ATG2A: variants seen among roughly 807,000 people sequenced by gnomAD.
ATG2A encodes autophagy related 2A.
In ATG2A, 103 loss-of-function variants were observed where a neutral mutation model predicts 214.2. The observed-to-expected ratio is 0.48, with a 90% CI of 0.41 to 0.57. ATG2A has a LOEUF of 0.57. Among genes scored for constraint, ATG2A ranks in the 20% least tolerant of loss-of-function variants. The pLI is 0.00. For synonymous variants in ATG2A, 1,160 were observed against 1,142.1 expected (o/e 1.02, Z -0.32); for missense variants, 2,312 against 2,613.2 (o/e 0.88, Z 2.51).
chr11:64,907,043 C>T (rs904004130), intron 19 of ATG2A, among the ~76,000 whole-genome samples: 6 of 152,228 alleles, frequency 3.9e-5, no homozygotes, highest in African/African-American at 1.2e-4. Flanking sequence ...ATGCCCATCC[C>T]GACCCCTAGC....
chr11:64,910,876 C>T lies in ATG2A; in HGVS notation c.1545G>A (p.Val515=), dbSNP rs756847760. 5.0e-6 allele frequency: 8 copies of T among 1,609,936 alleles called. No homozygotes were observed. The highest frequency in any genetic ancestry group is 6.8e-6 in the Non-Finnish European group (8 of 1,178,710). The change falls in exon 11 of 41, where the codon GTG becomes GTA. Residue 515 remains valine, a synonymous_variant. Coordinates refer to ENST00000377264, the MANE Select transcript of ATG2A (RefSeq NM_015104.3). The stretch of plus-strand genomic sequence containing the variant: ...CCAGCACCTCCAGCTGCCCGAAGTG[C>T]ACTTCCATGCTGGTTGTCCGCCGGC... ...SRGRRTTSME[V]HFGQLEVLEC...
At chr11:64,914,627 A>G (rs2136647913) in intron 1 of ATG2A, 127 bp from the exon 2 acceptor site, 2 of 1,223,136 alleles carry the variant, frequency 1.6e-6, no homozygotes, top group Non-Finnish European at 2.3e-6. Flanking sequence ...CGTGTTATCT[A>G]CAAGGTCCCA....
rs778192855 is a variant in ATG2A at position 64,913,901 on chromosome 11, G to A, written c.510C>T (p.Thr170=). Residue 170 remains threonine (T), a synonymous_variant, in exon 4 of 41, where the codon ACC becomes ACT. Coordinates refer to ENST00000377264, the MANE Select transcript of ATG2A (RefSeq NM_015104.3). This position sits in a 1 kb window ranked among gnomAD's most constrained non-coding sequence, Gnocchi z 4.3. ...CCACCCTCACGACAGTGTCCAGGAA[G>A]GTCACTTTGATCCTCCGAAGCACTG... The part of the protein sequence containing the change: ...IETVLRRIKV[T]FLDTVVRVEH... 3.1e-6 allele frequency: 5 copies of A among 1,614,076 alleles called. No individual in the cohort carries two copies. In the East Asian group the frequency reaches 6.7e-5, roughly 22 times the overall value.
rs765409254 is a variant in ATG2A, at chr11:64,907,651, GGTCGTT to G, written c.2515_2520del (p.Asn839_Asp840del). Reference sequence around the variant, plus strand: ...AGATCTGCAGGCTCCCACATGAGCAGGTCGTTGTTGATCCTGAGATAGGCGGGTGGA... The same window carrying G: ...AGATCTGCAGGCTCCCACATGAGCAGGTTGATCCTGAGATAGGCGGGTGGA... On this transcript the variant is annotated inframe_deletion, in exon 18 of 41. Coordinates refer to ENST00000377264, the MANE Select transcript of ATG2A (RefSeq NM_015104.3). 1 of 1,599,774 alleles carries G rather than the reference GGTCGTT, an allele frequency of 6.3e-7. No homozygotes were observed. Among genetic ancestry groups the G allele is most frequent in the South Asian group, 1.1e-5 (1 of 89,418 alleles).
chr11:64,911,781 G>A, intron 9 of ATG2A, 61 bp downstream of exon 9: 1 of 1,600,550 alleles, frequency 6.2e-7, no homozygotes, highest in Non-Finnish European at 8.5e-7. Flanking sequence ...ACAGCCCACG[G>A]CACTAAGGCC....
chr11:64,898,822 C>T lies in ATG2A; in HGVS notation c.4485G>A (p.Val1495=), dbSNP rs747123039. 7 of 1,611,294 alleles carry T rather than the reference C, an allele frequency of 4.3e-6. No individual in the cohort carries two copies. In the African/African-American group the frequency reaches 9.3e-5, roughly 22 times the overall value. The change falls in exon 32 of 41, where the codon GTG becomes GTA. Residue 1495 remains valine (V), a synonymous_variant. Transcript: ENST00000377264. This position sits in a 1 kb window ranked among gnomAD's most constrained non-coding sequence, Gnocchi z 4.5. ...QLSKVSFQHE[V]YPAEPATGPA... is the part of the protein sequence containing the mutation. ...GGCCTGTGGCTGGCTCCGCTGGGTA[C>T]ACCTCGTGCTGGAAGCTTACCTGTG... is the stretch of plus-strand genomic sequence containing the variant.
intron 29 of ATG2A, among the ~76,000 whole-genome samples, 190 bp downstream of exon 29, chr11:64,901,772 C>T (rs1418120112): frequency 2.6e-5 from 4 of 152,140 alleles, no homozygotes; most frequent in South Asian, 2.1e-4. Context: ...CCATCAAAGC[C>T]CAGCATCAGG....
chr11:64,911,262 G>C lies in ATG2A; in HGVS notation c.1242C>G (p.Pro414=), dbSNP rs138182759. ...GGCGCATGGTGTCCAGGAGGGGGTT[G>C]GGGGCCATCTTGCCTGAGGGGACAG... is the stretch of plus-strand genomic sequence containing the variant. The part of the protein sequence containing the change: ...AQAHPAGKMA[P]NPLLDTMRPD... The change falls in exon 10 of 41, where the codon CCC becomes CCG. Residue 414 remains proline, a synonymous_variant. Transcript: ENST00000377264. The C allele has an allele frequency of 1.9e-6, 3 of 1,613,588 alleles. No individual in the cohort carries two copies. The African/African-American group carries it at 4.0e-5, about 22-fold the overall frequency.
In ATG2A at chr11:64,910,032, C is replaced by T. The variant is rs1368288863; in HGVS notation, c.1863+8G>A. On this transcript the variant is annotated splice_region_variant and intron_variant, in intron 13 of 40. Transcript: ENST00000377264. ...ACCCCCGGCCTGGCCCTGGCAGGGG[C>T]CTCTCACCAGCAGGCCGGCTGGAGG... The T allele has an allele frequency of 2.6e-6, 4 of 1,567,562 alleles. No homozygotes were observed. Among genetic ancestry groups the T allele is most frequent in the Non-Finnish European group, 3.5e-6 (4 of 1,157,826 alleles).
intron 14 of ATG2A, 151 bp from the exon 15 acceptor site, chr11:64,909,518 C>T (rs143602329): frequency 5.8e-4 from 828 of 1,416,010 alleles, no homozygotes; most frequent in Non-Finnish European, 7.3e-4. Context: ...CCCTACTTGT[C>T]GGTGAGGAGG....
chr11:64,897,072 G>A (rs1298595945), intron 37 of ATG2A: 1 of 784,036 alleles, frequency 1.3e-6, no homozygotes, highest in Non-Finnish European at 2.0e-6. Flanking sequence ...CCAGGCTGGA[G>A]TGAAGTGGTG....
intron 16 of ATG2A, 34 bp downstream of exon 16, chr11:64,908,956 AG>A: frequency 1.3e-6 from 2 of 1,542,008 alleles, no homozygotes; most frequent in Non-Finnish European, 1.7e-6. Flanking sequence ...GGTGGGCGGG[AG>A]GGGGTCCTGG....
chr11:64,912,254 A>C lies in ATG2A; in HGVS notation c.923-5T>G. The C allele has an allele frequency of 6.2e-7, 1 of 1,611,990 alleles. No individual in the cohort carries two copies. ...TGTCAGCCAGGCCCTCGTGGTCTGC[A>C]GGGGAGGAGACTTCAGTCTGGGCTG... is the stretch of plus-strand genomic sequence containing the variant. On this transcript the variant is annotated splice_polypyrimidine_tract_variant and splice_region_variant and intron_variant, in intron 7 of 40. Transcript: ENST00000377264.
At chr11:64,912,011 C>G in intron 8 of ATG2A, 29 bp from the exon 9 acceptor site, 1 of 1,613,516 alleles carries the variant, frequency 6.2e-7, no homozygotes, top group Non-Finnish European at 8.5e-7. Flanking sequence ...GTGTCAGGGA[C>G]AGCCGACCCC....
chr11:64,907,921 A>G, intron 16 of ATG2A, 31 bp from the exon 17 acceptor site: 1 of 1,600,462 alleles, frequency 6.2e-7, no homozygotes, highest in Non-Finnish European at 8.5e-7. Context: ...AGAGCAGGAG[A>G]GTCATCTTAG....
intron 9 of ATG2A, 146 bp downstream of exon 9, chr11:64,911,696 T>C: frequency 1.7e-6 from 2 of 1,183,148 alleles, no homozygotes; most frequent in South Asian, 3.1e-5. Flanking sequence ...AGCTCCCACC[T>C]TGTTTGGTCC....
rs746563475 is a variant in ATG2A, at chr11:64,896,793, C to T, written c.5227G>A (p.Gly1743Ser). The part of the protein sequence containing the change: ...LQDIRKNQLP[G>S]LLGGVGPMHS... ...ATGGGGCCCACGCCTCCCAGCAGGC[C>T]GGGCAGCTGGTTCTTGCGGATGTCC... Residue 1743 changes from glycine to serine, a missense_variant, in exon 38 of 41, where the codon GGC becomes AGC. Gly to Ser is a moderately conservative substitution (Grantham distance 56). Coordinates refer to ENST00000377264, the MANE Select transcript of ATG2A (RefSeq NM_015104.3). 1.2e-5 allele frequency: 20 copies of T among 1,614,030 alleles called. No homozygotes were observed. Among genetic ancestry groups the T allele is most frequent in the Non-Finnish European group, 1.5e-5 (18 of 1,180,038 alleles).
intron 21 of ATG2A, 53 bp downstream of exon 21, chr11:64,906,278 ACAC>A: frequency 2.5e-6 from 4 of 1,607,268 alleles, no homozygotes; most frequent in Non-Finnish European, 3.4e-6. Flanking sequence ...GTCCCACCGC[ACAC>A]CGGGGCTGCA....
Position 64,894,553 on chromosome 11 carries a change from G to A in ATG2A, c.*420C>T. The A allele has an allele frequency of 2.1e-6, 1 of 471,440 alleles. No homozygotes were observed. 29.2% of individuals were successfully genotyped at this position (471,440 alleles called of 1,614,324 possible). ...AGGATCTGAGAGGGGGGCTGGCGGT[G>A]GGCAGTTTATTCCACTTCATGCAGA... On this transcript the variant is annotated 3_prime_UTR_variant, in exon 41 of 41. Coordinates refer to ENST00000377264, the MANE Select transcript of ATG2A (RefSeq NM_015104.3).
Sources: allele counts gnomAD v4.1 joint callset (sites outside exome capture counted in the v4.1 genomes callset), GRCh38; gene constraint gnomAD v4.1.1; non-coding constraint Gnocchi (gnomAD v3.1); transcripts MANE v1.5; gene names NCBI Gene and HGNC (gene_info 2026-07-23, HGNC 2026-07-21).